OSBPL3: variants seen among roughly 807,000 people sequenced by gnomAD.
OSBPL3 encodes the protein oxysterol-binding protein-related protein 3.
In OSBPL3, 65 loss-of-function variants were observed where a neutral mutation model predicts 120.1. That is an observed-to-expected ratio of 0.54 (90% CI 0.44 to 0.67). OSBPL3 has a LOEUF of 0.67. Ranked by LOEUF, OSBPL3 falls within the 30% of genes least tolerant of loss-of-function variation. The pLI is 0.00. For synonymous variants in OSBPL3, 416 were observed against 402.6 expected, an observed-to-expected ratio of 1.03 and a Z score of -0.40; for missense variants, 1,004 against 1,082.1, an observed-to-expected ratio of 0.93 and a Z score of 1.01.
chr7:24,963,288 G>A (rs886303939), intron 1 of OSBPL3, among the ~76,000 whole-genome samples: 2 of 152,180 alleles, frequency 1.3e-5, no homozygotes, highest in African/African-American at 4.8e-5. Flanking sequence ...AAAGAAGGGG[G>A]TGTTGGAGTC....
intron 16 of OSBPL3, among the ~76,000 whole-genome samples, chr7:24,828,192 T>G (rs951032635): frequency 1.3e-5 from 2 of 152,122 alleles, no homozygotes; most frequent in African/African-American, 4.8e-5. Context: ...ACCTGGCTAA[T>G]TTTTTGTATT....
intron 2 of OSBPL3, among the ~76,000 whole-genome samples, chr7:24,889,354 T>C (rs1804991079): frequency 6.6e-6 from 1 of 152,208 alleles, no homozygotes; most frequent in Non-Finnish European, 1.5e-5. Context: ...TGATAAGTTC[T>C]GGGGATCTAA....
At chr7:24,915,578 ATTTTT>A (rs575722030) in intron 1 of OSBPL3, among the ~76,000 whole-genome samples, 1 of 144,308 alleles carries the variant, frequency 6.9e-6, no homozygotes, top group Non-Finnish European at 1.5e-5. Context: ...CCAAACATTA[ATTTTT>A]TTTTTTTTTT....
In OSBPL3 at chr7:24,946,543, C is replaced by G. The variant is rs1183713675; in HGVS notation, c.-150+33343G>C. ...TTAAGAGGGAAGTAACAGACATTATCTGTTATTTTGCTCAGTACAAGTATC... is the reference window on the plus strand; with the variant it reads ...TTAAGAGGGAAGTAACAGACATTATGTGTTATTTTGCTCAGTACAAGTATC... On this transcript the variant is annotated intron_variant, in intron 1 of 22. Coordinates refer to ENST00000313367, the MANE Select transcript of OSBPL3 (RefSeq NM_015550.4). The surrounding 1 kb of genome is among the most constrained non-coding windows in gnomAD (Gnocchi z 4.3). Among the ~76,000 whole-genome samples the G allele has an allele frequency of 6.6e-6, 1 of 152,160 alleles. No individual in the cohort carries two copies. The highest frequency in any genetic ancestry group is 2.4e-5 in the African/African-American group (1 of 41,446).
intron 22 of OSBPL3, among the ~76,000 whole-genome samples, chr7:24,801,001 G>C (rs1239875420): frequency 6.7e-6 from 1 of 150,154 alleles, no homozygotes; most frequent in Non-Finnish European, 1.5e-5. Context: ...TCGGTACTTT[G>C]GGAGGCCGAA....
chr7:24,914,803 C>T (rs1472420559), intron 1 of OSBPL3, among the ~76,000 whole-genome samples: 2 of 152,200 alleles, frequency 1.3e-5, no homozygotes, highest in East Asian at 3.9e-4. Context: ...GTAAAAAGCC[C>T]AATGTAAACT....
At chr7:24,961,407 T>C (rs1339941577) in intron 1 of OSBPL3, among the ~76,000 whole-genome samples, 1 of 152,194 alleles carries the variant, frequency 6.6e-6, no homozygotes, top group Non-Finnish European at 1.5e-5. Context: ...ATGGTCTGAA[T>C]GTTTATGTAC....
At chr7:24,846,430 T>C (rs1798454946) in intron 12 of OSBPL3, among the ~76,000 whole-genome samples, 1 of 152,218 alleles carries the variant, frequency 6.6e-6, no homozygotes, top group African/African-American at 2.4e-5. Flanking sequence ...TTTTGTGAGG[T>C]AATGTATTCA....
intron 1 of OSBPL3, 98 bp from the exon 2 acceptor site, chr7:24,892,719 C>T (rs1805550869): frequency 8.8e-6 from 7 of 796,782 alleles, no homozygotes; most frequent in Non-Finnish European, 1.2e-5. Flanking sequence ...CTACAGATTA[C>T]AGACTCACGA....
intron 5 of OSBPL3, among the ~76,000 whole-genome samples, chr7:24,870,512 T>A (rs1055745984): frequency 1.3e-5 from 2 of 152,188 alleles, no homozygotes; most frequent in African/African-American, 4.8e-5. Context: ...CAGGTTCGTA[T>A]CTAGGGGATG....
At chr7:24,841,221 C>G (rs1797698312) in intron 13 of OSBPL3, among the ~76,000 whole-genome samples, 1 of 151,956 alleles carries the variant, frequency 6.6e-6, no homozygotes, top group Admixed American at 6.5e-5. Context: ...TATAATAACT[C>G]TTATTCAGGA....
At position 24,913,822 on chromosome 7, in the gene OSBPL3, G is replaced by A. The variant is rs1809175415; in HGVS notation, c.-149-21201C>T. Reference sequence around the variant, plus strand: ...CAGTCAGTGGGGATACAACTAGGACGAGGACAAGGACCAAGGACCGTATCC... The same window carrying A: ...CAGTCAGTGGGGATACAACTAGGACAAGGACAAGGACCAAGGACCGTATCC... On this transcript the variant is annotated intron_variant, in intron 1 of 22. Transcript: ENST00000313367. The surrounding 1 kb of genome is among the most constrained non-coding windows in gnomAD (Gnocchi z 5.3). 6.6e-6 allele frequency among the ~76,000 whole-genome samples: 1 copy of A among 152,104 alleles called. No individual in the cohort carries two copies. The highest frequency in any genetic ancestry group is 1.5e-5 in the Non-Finnish European group (1 of 68,026).
chr7:24,878,275 A>G (rs2128301637), intron 2 of OSBPL3, among the ~76,000 whole-genome samples: 1 of 152,280 alleles, frequency 6.6e-6, no homozygotes, highest in African/African-American at 2.4e-5. Context: ...AACGATTAAA[A>G]CTTTTATTCT....
At chr7:24,823,264 C>A (rs1303806415) in intron 16 of OSBPL3, among the ~76,000 whole-genome samples, 1 of 152,118 alleles carries the variant, frequency 6.6e-6, no homozygotes, top group Non-Finnish European at 1.5e-5. Context: ...CACATACAAA[C>A]TGTCCAGGAT....
At position 24,936,782 on chromosome 7, in the gene OSBPL3, A is replaced by G. The variant is rs986452538; in HGVS notation, c.-150+43104T>C. On this transcript the variant is annotated intron_variant, in intron 1 of 22. Coordinates refer to ENST00000313367, the MANE Select transcript of OSBPL3 (RefSeq NM_015550.4). The surrounding 1 kb of genome is among the most constrained non-coding windows in gnomAD (Gnocchi z 4.2). ...AATAACATGATAAAAGTTTGCCTGC[A>G]TTATCCTATATGCAGTAGGAAACTC... 6.6e-6 allele frequency among the ~76,000 whole-genome samples: 1 copy of G among 152,274 alleles called. No homozygotes were observed. The highest frequency in any genetic ancestry group is 1.5e-5 in the Non-Finnish European group (1 of 68,046).
At position 24,854,496 on chromosome 7, in the gene OSBPL3, A is replaced by G. The variant is rs1799563779; in HGVS notation, c.1028-1862T>C. On this transcript the variant is annotated intron_variant, in intron 10 of 22. Coordinates refer to ENST00000313367, the MANE Select transcript of OSBPL3 (RefSeq NM_015550.4). This position sits in a 1 kb window ranked among gnomAD's most constrained non-coding sequence, Gnocchi z 4.1. The stretch of plus-strand genomic sequence containing the variant: ...CAAAGTCACAACAATTTGTACACAC[A>G]CACACGCACACACACACACACACAC... 1.1e-5 allele frequency among the ~76,000 whole-genome samples: 1 copy of G among 91,658 alleles called. No individual in the cohort carries two copies. The highest frequency in any genetic ancestry group is 2.2e-5 in the Non-Finnish European group (1 of 44,488). The allele number at this position is 91,658 out of a possible 152,430, so 60.1% of individuals were successfully genotyped here.
chr7:24,954,778 A>T (rs1382462008), intron 1 of OSBPL3, among the ~76,000 whole-genome samples: 1 of 152,232 alleles, frequency 6.6e-6, no homozygotes, highest in Non-Finnish European at 1.5e-5. Context: ...TTTAGCAGGA[A>T]TATGATGACA....
At chr7:24,961,109 T>G (rs904619435) in intron 1 of OSBPL3, among the ~76,000 whole-genome samples, 2 of 152,186 alleles carry the variant, frequency 1.3e-5, no homozygotes, top group African/African-American at 4.8e-5. Flanking sequence ...GGATTAGAAT[T>G]AACCACTAAC....
chr7:24,943,203 C>T (rs896651517), intron 1 of OSBPL3, among the ~76,000 whole-genome samples: 1 of 152,170 alleles, frequency 6.6e-6, no homozygotes, highest in African/African-American at 2.4e-5. Flanking sequence ...ATGTCCCTTC[C>T]ATGGTTGCCC....
Sources: allele counts gnomAD v4.1 joint callset (sites outside exome capture counted in the v4.1 genomes callset), GRCh38; gene constraint gnomAD v4.1.1; non-coding constraint Gnocchi (gnomAD v3.1); transcripts MANE v1.5; gene names NCBI Gene and HGNC (gene_info 2026-07-23, HGNC 2026-07-21).